Variants in SLC9A9 observed in about 807,000 individuals in gnomAD.
SLC9A9 encodes sodium/hydrogen exchanger 9.
SLC9A9 carries 62 observed loss-of-function variants against 77.8 expected under a neutral mutation model. The ratio of observed to expected loss-of-function variants is 0.80; its 90% CI spans 0.65 to 0.98. The LOEUF is 0.98. Ranked by LOEUF, SLC9A9 falls within the 50% of genes least tolerant of loss-of-function variation. SLC9A9 has a pLI of 0.00. For missense variants in SLC9A9, 775 were observed against 774.9 expected, an observed-to-expected ratio of 1.00 and a Z score of 0.00; for synonymous variants, 320 against 283.5, an observed-to-expected ratio of 1.13 and a Z score of -1.29.
intron 12 of SLC9A9, among the ~76,000 whole-genome samples, chr3:143,464,738 T>A (rs2035255717): frequency 6.6e-6 from 1 of 152,210 alleles, no homozygotes; most frequent in Admixed American, 6.5e-5. Context: ...GACCAAGACC[T>A]ACTGGATGAG....
chr3:143,683,106 A>G (rs1933155114), intron 5 of SLC9A9, among the ~76,000 whole-genome samples: 1 of 152,154 alleles, frequency 6.6e-6, no homozygotes, highest in Non-Finnish European at 1.5e-5. Flanking sequence ...TTATATGTTT[A>G]AAAGGGTAGT....
At chr3:143,366,186 CAAT>C (rs2032896301) in intron 13 of SLC9A9, among the ~76,000 whole-genome samples, 1 of 152,176 alleles carries the variant, frequency 6.6e-6, no homozygotes, top group African/African-American at 2.4e-5. Flanking sequence ...ATGATGTTCC[CAAT>C]AATGATGGTC....
At chr3:143,519,459 T>A (rs1398341925) in intron 9 of SLC9A9, among the ~76,000 whole-genome samples, 3 of 151,982 alleles carry the variant, frequency 2.0e-5, no homozygotes, top group Non-Finnish European at 4.4e-5. Context: ...GAAGAGGAGA[T>A]AAGTGTGGGA....
Position 143,772,941 on chromosome 3 carries a change from A to G in SLC9A9, c.533+22060T>C, listed in dbSNP as rs1048912099. On this transcript the variant is annotated intron_variant, in intron 4 of 15. Transcript: ENST00000316549. ...ACTTTAAGTGGTCATGGTTGGACAC[A>G]GGAGAAAAGAAATAACCAAAATCAG... Among the ~76,000 whole-genome samples the G allele has an allele frequency of 2.6e-5, 4 of 152,386 alleles. 1 individual carries two copies. Among genetic ancestry groups the G allele is most frequent in the Non-Finnish European group, 1.5e-5 (1 of 68,032 alleles).
At chr3:143,820,209 A>T (rs1215220672) in intron 2 of SLC9A9, among the ~76,000 whole-genome samples, 1 of 152,228 alleles carries the variant, frequency 6.6e-6, no homozygotes, top group Non-Finnish European at 1.5e-5. Context: ...GATCCAAGTT[A>T]TATGGCTCTA....
intron 8 of SLC9A9, among the ~76,000 whole-genome samples, chr3:143,567,524 C>G (rs1293167459): frequency 6.6e-6 from 1 of 152,130 alleles, no homozygotes; most frequent in Non-Finnish European, 1.5e-5. Context: ...TCAAGCAGCA[C>G]AGATTCAGAT....
chr3:143,346,061 C>T (rs996699811), intron 14 of SLC9A9, among the ~76,000 whole-genome samples: 22 of 152,066 alleles, frequency 1.4e-4, no homozygotes, highest in Non-Finnish European at 3.2e-4. Context: ...GACCTAGGTC[C>T]AGTTTTAACA....
chr3:143,727,992 A>G (rs1047264000), intron 4 of SLC9A9, among the ~76,000 whole-genome samples: 1 of 152,220 alleles, frequency 6.6e-6, no homozygotes, highest in Non-Finnish European at 1.5e-5. Flanking sequence ...CGTTGCCTGC[A>G]CAGATTTTTA....
chr3:143,296,110 T>C (rs1003515732), intron 14 of SLC9A9, among the ~76,000 whole-genome samples: 25 of 152,208 alleles, frequency 1.6e-4, no homozygotes, highest in Non-Finnish European at 5.9e-5. Flanking sequence ...AAATCTTAAG[T>C]GCATAATAAT....
chr3:143,435,180 G>A (rs1187808274), intron 12 of SLC9A9, among the ~76,000 whole-genome samples: 1 of 151,948 alleles, frequency 6.6e-6, no homozygotes, highest in East Asian at 1.9e-4. Context: ...ACAAAAAATT[G>A]TATTTTCGTA....
intron 11 of SLC9A9, 74 bp downstream of exon 11, chr3:143,493,579 T>A (rs1383080265): frequency 1.3e-5 from 18 of 1,400,580 alleles, no homozygotes; most frequent in Non-Finnish European, 1.8e-5. Flanking sequence ...GGTTCTAAAT[T>A]TTCTCATGGT....
At chr3:143,319,032 A>G (rs1576421716) in intron 14 of SLC9A9, among the ~76,000 whole-genome samples, 1 of 152,352 alleles carries the variant, frequency 6.6e-6, no homozygotes, top group East Asian at 1.9e-4. Flanking sequence ...ATAACTGTCA[A>G]ACTAAAAACA....
intron 6 of SLC9A9, among the ~76,000 whole-genome samples, chr3:143,614,415 T>C (rs2038070817): frequency 6.6e-6 from 1 of 152,222 alleles, no homozygotes; most frequent in South Asian, 2.1e-4. Flanking sequence ...TCTTTCATAC[T>C]GAGCCACAAA....
At chr3:143,557,743 A>G (rs1239850166) in intron 8 of SLC9A9, among the ~76,000 whole-genome samples, 1 of 152,232 alleles carries the variant, frequency 6.6e-6, no homozygotes, top group Non-Finnish European at 1.5e-5. Context: ...GGAAATTTGA[A>G]CTTGAGAGAG....
chr3:143,554,687 C>T (rs550289076), intron 8 of SLC9A9, among the ~76,000 whole-genome samples: 1 of 152,286 alleles, frequency 6.6e-6, no homozygotes, highest in South Asian at 2.1e-4. Flanking sequence ...AAGATCTCTT[C>T]CTGCCCCTTC....
At chr3:143,369,675 G>GA (rs1231464968) in intron 13 of SLC9A9, among the ~76,000 whole-genome samples, 3 of 151,778 alleles carry the variant, frequency 2.0e-5, no homozygotes, top group East Asian at 1.9e-4. Context: ...CTCTTTGAAG[G>GA]AAAAAAAAGA....
rs551771507 is a variant in SLC9A9 at position 143,529,105 on chromosome 3, C to T, written c.1089+23257G>A. On this transcript the variant is annotated intron_variant, in intron 9 of 15. Transcript: ENST00000316549. Reference sequence around the variant, plus strand: ...GTGAGTTACCCTGTGCCAACAACAGCGGGGTGAGCTAAGGTGCTTGAGGGT... The same window carrying T: ...GTGAGTTACCCTGTGCCAACAACAGTGGGGTGAGCTAAGGTGCTTGAGGGT... Among the ~76,000 whole-genome samples the T allele has an allele frequency of 1.3e-3, 193 of 152,200 alleles. 1 individual carries two copies. The highest frequency in any genetic ancestry group is 5.4e-3 in the Admixed American group (82 of 15,298).
intron 12 of SLC9A9, among the ~76,000 whole-genome samples, chr3:143,400,813 G>A (rs1339795985): frequency 1.3e-5 from 2 of 151,770 alleles, no homozygotes; most frequent in Admixed American, 1.3e-4. Flanking sequence ...CAAGACTAGA[G>A]TTAGGCAAGG....
At chr3:143,840,123 A>C (rs2009669735) in intron 1 of SLC9A9, among the ~76,000 whole-genome samples, 1 of 152,180 alleles carries the variant, frequency 6.6e-6, no homozygotes, top group South Asian at 2.1e-4. Context: ...GGCCGCACCC[A>C]CCCCAGAGTT....
Sources: gnomAD v4.1 joint callset for allele counts (sites outside exome capture counted in the v4.1 genomes callset) on GRCh38, gnomAD v4.1.1 for gene constraint, MANE v1.5 for transcripts, NCBI Gene and HGNC (gene_info 2026-07-23, HGNC 2026-07-21) for gene names.